SPG11: variants seen among roughly 807,000 people sequenced by gnomAD.
The protein encoded by SPG11 is spatacsin.
Under a neutral mutation model 274.0 loss-of-function variants are expected in SPG11, and 222 were observed. The ratio of observed to expected loss-of-function variants is 0.81; its 90% CI spans 0.73 to 0.91. The LOEUF (loss-of-function observed/expected upper bound fraction) is 0.91, where lower values mean the gene tolerates loss of function less well. Among genes scored for constraint, SPG11 ranks in the 40% least tolerant of loss-of-function variants. The pLI is 0.00. For missense variants in SPG11, 3,114 were observed against 2,872.7 expected, an observed-to-expected ratio of 1.08 and a Z score of -1.92; for synonymous variants, 1,144 against 1,039.7, an observed-to-expected ratio of 1.10 and a Z score of -1.93.
At chr15:44,638,253 GGAGTTCAA>G (rs2084335655) in intron 7 of SPG11, among the ~76,000 whole-genome samples, 6 of 152,096 alleles carry the variant, frequency 3.9e-5, no homozygotes, top group Admixed American at 3.9e-4. Flanking sequence ...CTTGAGGTTG[GGAGTTCAA>G]GAGCAGCCTG....
At chr15:44,619,413 A>C (rs1261672086) in intron 15 of SPG11, among the ~76,000 whole-genome samples, 2 of 152,224 alleles carry the variant, frequency 1.3e-5, no homozygotes, top group Non-Finnish European at 2.9e-5. Flanking sequence ...CATATGGTTC[A>C]ATTTAACAGG....
intron 39 of SPG11, among the ~76,000 whole-genome samples, chr15:44,563,845 T>A (rs189665691): frequency 1.3e-5 from 2 of 152,320 alleles, no homozygotes; most frequent in East Asian, 3.9e-4. Flanking sequence ...CACTTACTAT[T>A]ACCTATAGAG....
chr15:44,567,437 C>A lies in SPG11; in HGVS notation c.6741G>T (p.Glu2247Asp). Residue 2247 changes from glutamate (E) to aspartate (D), a missense_variant, in exon 36 of 40, where the codon GAG (glutamate) becomes GAT (aspartate). Glu to Asp is a conservative substitution (Grantham distance 45). Transcript: ENST00000261866. The part of the protein sequence containing the change: ...AAARIQLKLI[E>D]SQPWEDSLKD... The stretch of plus-strand genomic sequence containing the variant: ...GACCTCACTCACCCCAGGGCTGAGA[C>A]TCAATCAATTTCAGTTGGATGCGGG... 6.2e-7 allele frequency: 1 copy of A among 1,613,182 alleles called. No homozygotes were observed. Among genetic ancestry groups the A allele is most frequent in the South Asian group, 1.1e-5 (1 of 91,064 alleles).
rs2082448546 is a variant in SPG11 at position 44,572,727 on chromosome 15, A to G, written c.6299T>C (p.Leu2100Ser). ...CQDRTLVGMK[L>S]LDKISSVPHG... ...GGGAACGGAGGAAATCTTATCCAAC[A>G]ACTTCATGCCTACCAATGTGCGGTC... is the stretch of plus-strand genomic sequence containing the variant. Residue 2100 changes from leucine (L) to serine (S), a missense_variant, in exon 33 of 40, where the codon TTG (leucine) becomes TCG (serine). By Grantham distance (145) the Leu-to-Ser change is moderately radical (BLOSUM62 -2). Coordinates refer to ENST00000261866, the MANE Select transcript of SPG11 (RefSeq NM_025137.4). The G allele has an allele frequency of 3.1e-6, 5 of 1,614,154 alleles. No individual in the cohort carries two copies. The highest frequency in any genetic ancestry group is 4.2e-6 in the Non-Finnish European group (5 of 1,180,012).
chr15:44,622,371 A>G, intron 12 of SPG11, 24 bp from the exon 13 acceptor site: 1 of 1,513,168 alleles, frequency 6.6e-7, no homozygotes, highest in Non-Finnish European at 9.0e-7. Context: ...TAATTAAAGC[A>G]GTGACTTTAC....
chr15:44,628,542 A>C (rs2083966798), intron 10 of SPG11, 127 bp downstream of exon 10: 5 of 899,368 alleles, frequency 5.6e-6, no homozygotes, highest in African/African-American at 4.9e-5. Context: ...CAAACCGATA[A>C]AACCTAAAAC....
Position 44,584,397 on chromosome 15 carries a change from C to T in SPG11, c.5283G>A (p.Glu1761=). ...FFSTQAHVAC[E]HPTGWSSMEE... ...CCATGCTGCTCCATCCAGTTGGGTG[C>T]TCACATGCCACATGGGCCTGGGTTG... The change falls in exon 30 of 40, where the codon GAG becomes GAA. Residue 1761 remains glutamate, a synonymous_variant. Coordinates refer to ENST00000261866, the MANE Select transcript of SPG11 (RefSeq NM_025137.4). The T allele has an allele frequency of 6.2e-7, 1 of 1,613,998 alleles. No homozygotes were observed. The highest frequency in any genetic ancestry group is 8.5e-7 in the Non-Finnish European group (1 of 1,179,926).
chr15:44,623,123 A>C (rs186004806), intron 11 of SPG11, among the ~76,000 whole-genome samples: 24 of 151,920 alleles, frequency 1.6e-4, no homozygotes, highest in Admixed American at 6.6e-4. Context: ...TAATTTTTGT[A>C]TTTTTTGTAG....
rs569293938 is a variant in SPG11 at position 44,638,457 on chromosome 15, T to C, written c.1603-4820A>G. ...GCCTGGGCGACAGAGCAAGACTCCATCTCAAAACAAACAAACAAACAAACA... is the reference window on the plus strand; with the variant it reads ...GCCTGGGCGACAGAGCAAGACTCCACCTCAAAACAAACAAACAAACAAACA... On this transcript the variant is annotated intron_variant, in intron 7 of 39. Transcript: ENST00000261866. Among the ~76,000 whole-genome samples the C allele has an allele frequency of 2.0e-5, 3 of 146,580 alleles. No homozygotes were observed. The East Asian group carries it at 6.1e-4, about 30-fold the overall frequency.
rs1158062249 is a variant in SPG11 at position 44,566,268 on chromosome 15, C to T, written c.6792G>A (p.Leu2264=). The T allele has an allele frequency of 1.2e-6, 2 of 1,614,094 alleles. No homozygotes were observed. Among genetic ancestry groups the T allele is most frequent in the Admixed American group, 3.3e-5 (2 of 60,014 alleles). The stretch of plus-strand genomic sequence containing the variant: ...ACATCAGAGTCAGGGCCTTCAGCAG[C>T]AGTTGTTTCAGCTGGTGCCCATCCT... The part of the protein sequence containing the change: ...SLKDGHQLKQ[L]LLKALTLMLD... Residue 2264 remains leucine, a synonymous_variant, in exon 37 of 40, where the codon CTG becomes CTA. Transcript: ENST00000261866.
At chr15:44,571,693 T>G (rs976493640) in intron 33 of SPG11, among the ~76,000 whole-genome samples, 24 of 151,968 alleles carry the variant, frequency 1.6e-4, no homozygotes, top group African/African-American at 5.6e-4. Flanking sequence ...GAGACGGGGT[T>G]TCACCGTGTT....
intron 29 of SPG11, among the ~76,000 whole-genome samples, chr15:44,585,162 G>A (rs145962828): frequency 3.5e-4 from 53 of 152,118 alleles, no homozygotes; most frequent in African/African-American, 1.2e-3. Flanking sequence ...CATGGGAATT[G>A]TAGGCTCATC....
intron 10 of SPG11, among the ~76,000 whole-genome samples, chr15:44,628,224 G>T (rs1235307400): frequency 1.3e-5 from 2 of 152,194 alleles, no homozygotes; most frequent in Admixed American, 6.5e-5. Context: ...GTCTTAAATA[G>T]AATTTCAGAT....
intron 17 of SPG11, among the ~76,000 whole-genome samples, chr15:44,612,612 GTCT>G (rs1179960665): frequency 6.6e-6 from 1 of 152,046 alleles, no homozygotes; most frequent in African/African-American, 2.4e-5. Context: ...GCCCAGGCTG[GTCT>G]TGAACTCCTA....
Position 44,659,125 on chromosome 15 carries a change from C to G in SPG11, c.621G>C (p.Gln207His). Residue 207 changes from glutamine to histidine, a missense_variant, in exon 3 of 40, where the codon CAG becomes CAC. By Grantham distance (24) the Gln-to-His change is conservative (BLOSUM62 0). Transcript: ENST00000261866. ...AAACAAAAAGAATTCCTCTGCAGAGCTGCGTGTCAATAATCATGTCCACTG... is the reference window on the plus strand; with the variant it reads ...AAACAAAAAGAATTCCTCTGCAGAGGTGCGTGTCAATAATCATGTCCACTG... ...AQAVDMIIDT[Q>H]LCRGILFVLS... 1 of 1,614,224 alleles carries G rather than the reference C, an allele frequency of 6.2e-7. No homozygotes were observed. The highest frequency in any genetic ancestry group is 1.1e-5 in the South Asian group (1 of 91,090).
intron 28 of SPG11, chr15:44,588,537 A>C (rs983971845): frequency 4.8e-6 from 1 of 210,038 alleles, no homozygotes; most frequent in Non-Finnish European, 1.0e-5. Flanking sequence ...GAAAAATTAT[A>C]TAAGATAGTT....
intron 10 of SPG11, among the ~76,000 whole-genome samples, chr15:44,628,302 T>G (rs561463124): frequency 3.3e-5 from 5 of 152,230 alleles, no homozygotes; most frequent in Admixed American, 1.3e-4. Context: ...GATCTAATCA[T>G]CAGCAGCAAT....
intron 17 of SPG11, among the ~76,000 whole-genome samples, chr15:44,612,753 A>T (rs1367320070): frequency 6.6e-6 from 1 of 151,948 alleles, no homozygotes; most frequent in African/African-American, 2.4e-5. Flanking sequence ...AACAATGAAC[A>T]TATATTACTT....
intron 11 of SPG11, among the ~76,000 whole-genome samples, chr15:44,624,716 A>C (rs2083849594): frequency 6.6e-6 from 1 of 152,106 alleles, no homozygotes; most frequent in Non-Finnish European, 1.5e-5. Flanking sequence ...GTGATATATT[A>C]ATTAGCTTAC....
Sources: gnomAD v4.1 joint callset for allele counts (sites outside exome capture counted in the v4.1 genomes callset) on GRCh38, gnomAD v4.1.1 for gene constraint, MANE v1.5 for transcripts, NCBI Gene and HGNC (gene_info 2026-07-23, HGNC 2026-07-21) for gene names.